CPXM2: variants seen among roughly 807,000 people sequenced by gnomAD.
The protein encoded by CPXM2 is carboxypeptidase X, M14 family member 2.
A neutral mutation model predicts 86.1 loss-of-function variants in CPXM2; 66 were observed. That is an observed-to-expected ratio of 0.77 (90% CI 0.63 to 0.94). The LOEUF is 0.94. Ranked by LOEUF, CPXM2 falls within the 40% of genes least tolerant of loss-of-function variation. The pLI is 0.00. For synonymous variants in CPXM2, 388 were observed against 400.2 expected (o/e 0.97, Z 0.36); for missense variants, 948 against 1,026.3 (o/e 0.92, Z 1.04).
upstream of CPXM2, among the ~76,000 whole-genome samples, chr10:123,943,056 T>G (rs572796088): frequency 6.6e-6 from 1 of 152,344 alleles, no homozygotes; most frequent in Non-Finnish European, 1.5e-5. Context: ...ACCAGTAGAC[T>G]ATACCATCCA....
chr10:123,796,519 T>G (rs1847339032), intron 6 of CPXM2, among the ~76,000 whole-genome samples: 1 of 152,126 alleles, frequency 6.6e-6, no homozygotes, highest in Non-Finnish European at 1.5e-5. Context: ...ATGACCAGTG[T>G]GAGGGTAAGC....
Position 123,890,144 on chromosome 10 carries a change from A to G in CPXM2, c.304+1212T>C, listed in dbSNP as rs867354755. 2.0e-5 allele frequency among the ~76,000 whole-genome samples: 3 copies of G among 152,356 alleles called. No homozygotes were observed. In the South Asian group the frequency reaches 6.2e-4, roughly 32 times the overall value. Reference sequence around the variant, plus strand: ...CTAATGGAGTCACAGTCGACATTCTACAAATATAAGTCTCTTCCCACTCCT... The same window carrying G: ...CTAATGGAGTCACAGTCGACATTCTGCAAATATAAGTCTCTTCCCACTCCT... On this transcript the variant is annotated intron_variant, in intron 1 of 13. Coordinates refer to ENST00000241305, the MANE Select transcript of CPXM2 (RefSeq NM_198148.3).
intron 10 of CPXM2, 85 bp downstream of exon 10, chr10:123,766,888 C>T: frequency 8.9e-7 from 1 of 1,118,088 alleles, no homozygotes; most frequent in Non-Finnish European, 1.3e-6. Flanking sequence ...TTGTCTCTTT[C>T]TTAAATGTGC....
intron 1 of CPXM2, among the ~76,000 whole-genome samples, chr10:123,880,603 G>A (rs1056477572): frequency 6.6e-6 from 1 of 152,080 alleles, no homozygotes; most frequent in Non-Finnish European, 1.5e-5. Flanking sequence ...GCTAAGGCGG[G>A]TGGATCACAA....
chr10:123,799,036 T>A, intron 5 of CPXM2, 79 bp downstream of exon 5: 8 of 1,496,360 alleles, frequency 5.3e-6, no homozygotes, highest in Non-Finnish European at 6.5e-6. Context: ...CTCCAAAGAG[T>A]TGATCATACA....
intron 6 of CPXM2, among the ~76,000 whole-genome samples, chr10:123,781,553 T>C (rs1846935540): frequency 2.0e-5 from 3 of 152,248 alleles, no homozygotes; most frequent in East Asian, 3.9e-4. Context: ...CTAGGAACCA[T>C]GTGAGCAATG....
intron 2 of CPXM2, among the ~76,000 whole-genome samples, chr10:123,876,239 C>A (rs1312157042): frequency 6.6e-6 from 1 of 152,204 alleles, no homozygotes; most frequent in Non-Finnish European, 1.5e-5. Context: ...AGCACCTGTT[C>A]TGTTCACCAT....
At chr10:123,840,432 T>C (rs1321501658) in intron 4 of CPXM2, among the ~76,000 whole-genome samples, 1 of 152,182 alleles carries the variant, frequency 6.6e-6, no homozygotes, top group African/African-American at 2.4e-5. Context: ...TGAAAATGTA[T>C]TCAAAGAAAA....
rs56223052 is a variant in CPXM2 at position 123,873,856 on chromosome 10, C to CTTTT, written c.403+6351_403+6354dup. Among the ~76,000 whole-genome samples the CTTTT allele has an allele frequency of 8.5e-4, 90 of 105,274 alleles. 2 individuals are homozygous for CTTTT. Among genetic ancestry groups the CTTTT allele is most frequent in the East Asian group, 2.5e-3 (10 of 4,044 alleles). 69.1% of individuals were successfully genotyped at this position (105,274 alleles called of 152,430 possible). A position where few individuals can be genotyped will look rare whatever the true frequency, so the allele number is the denominator to read the frequency against. On this transcript the variant is annotated intron_variant, in intron 2 of 13. Coordinates refer to ENST00000241305, the MANE Select transcript of CPXM2 (RefSeq NM_198148.3). Reference sequence around the variant, plus strand: ...CAACAGAAATTTATTTCTCACATTTCTTTTTTTTTTTTTTTTTTTTTGAGA... The same window carrying CTTTT: ...CAACAGAAATTTATTTCTCACATTTCTTTTTTTTTTTTTTTTTTTTTTTTTGAGA...
At chr10:123,750,805 A>G in intron 13 of CPXM2, 1 of 985,458 alleles carries the variant, frequency 1.0e-6, no homozygotes, top group Non-Finnish European at 1.2e-6. Flanking sequence ...CTGCAGAGAC[A>G]TGGATCTGCC....
At chr10:123,884,203 T>C (rs952958176) in intron 1 of CPXM2, among the ~76,000 whole-genome samples, 1 of 152,150 alleles carries the variant, frequency 6.6e-6, no homozygotes, top group African/African-American at 2.4e-5. Flanking sequence ...CTGAGGTCCT[T>C]GTCTGCTTCT....
Position 123,746,956 on chromosome 10 carries a change from G to A in CPXM2, c.2079C>T (p.Ala693=), listed in dbSNP as rs200982625. The change falls in exon 14 of 14, where the codon GCC becomes GCT. Residue 693 remains alanine (A), a synonymous_variant. Coordinates refer to ENST00000241305, the MANE Select transcript of CPXM2 (RefSeq NM_198148.3). ...TCTTGGTGGATGCAGTGAAACCTTC[G>A]GCCTTTGCTGTGACCACATACTCTC... ...NPGEYVVTAK[A]EGFTASTKNC... 203 of 1,614,058 alleles carry A rather than the reference G, an allele frequency of 1.3e-4. No individual in the cohort carries two copies. The highest frequency in any genetic ancestry group is 1.7e-4 in the Non-Finnish European group (197 of 1,180,018).
At chr10:123,785,103 C>T (rs1445080797) in intron 6 of CPXM2, among the ~76,000 whole-genome samples, 5 of 152,266 alleles carry the variant, frequency 3.3e-5, no homozygotes, top group African/African-American at 9.6e-5. Flanking sequence ...CCCCACCCTG[C>T]GGTGCATACT....
At chr10:123,751,433 C>A (rs1457257179) in intron 13 of CPXM2, 1 of 882,396 alleles carries the variant, frequency 1.1e-6, no homozygotes, top group African/African-American at 1.8e-5. Context: ...AACGTCCTGA[C>A]CTTCTAAGAA....
chr10:123,897,991 T>G (rs993852636), intron 2 of CPXM2, among the ~76,000 whole-genome samples: 7 of 152,212 alleles, frequency 4.6e-5, no homozygotes, highest in African/African-American at 1.7e-4. Flanking sequence ...ACACACTCTA[T>G]GAGGCCCCAG....
chr10:123,846,679 G>C (rs192681565), intron 3 of CPXM2, among the ~76,000 whole-genome samples: 5 of 152,266 alleles, frequency 3.3e-5, no homozygotes, highest in Non-Finnish European at 7.4e-5. Context: ...ACATAGCAGA[G>C]AATTATCAGA....
intron 2 of CPXM2, among the ~76,000 whole-genome samples, chr10:123,863,052 G>A (rs1409534359): frequency 2.6e-5 from 4 of 152,178 alleles, no homozygotes; most frequent in Non-Finnish European, 5.9e-5. Flanking sequence ...ATCAGAACTT[G>A]CGGATTTTGC....
At chr10:123,886,777 G>T (rs1197912906) in intron 1 of CPXM2, among the ~76,000 whole-genome samples, 1 of 152,208 alleles carries the variant, frequency 6.6e-6, no homozygotes, top group Non-Finnish European at 1.5e-5. Flanking sequence ...CAATAGTTCA[G>T]CTTATTATTT....
intron 4 of CPXM2, among the ~76,000 whole-genome samples, chr10:123,821,970 T>C (rs915047465): frequency 6.6e-6 from 1 of 152,194 alleles, no homozygotes; most frequent in Non-Finnish European, 1.5e-5. Flanking sequence ...CAGGGACTTA[T>C]AACATTTTAA....
Sources: allele counts gnomAD v4.1 joint callset (sites outside exome capture counted in the v4.1 genomes callset), GRCh38; gene constraint gnomAD v4.1.1; transcripts MANE v1.5; gene names NCBI Gene and HGNC (gene_info 2026-07-23, HGNC 2026-07-21).